Variants in XPO6 observed in about 807,000 individuals in gnomAD.
The protein encoded by XPO6 is exportin-6.
Under a neutral mutation model 130.0 loss-of-function variants are expected in XPO6, and 3 were observed. The ratio of observed to expected loss-of-function variants is 0.02; its 90% CI spans 0.01 to 0.06. The LOEUF (loss-of-function observed/expected upper bound fraction) is 0.06, where lower values mean the gene tolerates loss of function less well. XPO6 is among the 10% of genes least tolerant of loss of function. XPO6 has a pLI of 1.00. For synonymous variants in XPO6, 524 were observed against 548.9 expected (o/e 0.95, Z 0.63); for missense variants, 970 against 1,393.0 (o/e 0.70, Z 4.83).
chr16:28,127,415 T>C (rs773347354), intron 12 of XPO6, among the ~76,000 whole-genome samples: 3 of 152,116 alleles, frequency 2.0e-5, no homozygotes, highest in Non-Finnish European at 4.4e-5. Context: ...AAATCCCTCG[T>C]GGTGAGCAGC....
intron 9 of XPO6, among the ~76,000 whole-genome samples, chr16:28,145,326 TC>T (rs1417531424): frequency 1.3e-5 from 2 of 152,174 alleles, no homozygotes; most frequent in Non-Finnish European, 2.9e-5. Flanking sequence ...GCCATTATTT[TC>T]CTGGCATGCT....
At chr16:28,186,767 G>A (rs986672360) in intron 1 of XPO6, among the ~76,000 whole-genome samples, 2 of 151,272 alleles carry the variant, frequency 1.3e-5, no homozygotes, top group African/African-American at 4.9e-5. Flanking sequence ...AAACCCCTGG[G>A]CTCAGGCGAT....
Position 28,107,677 on chromosome 16 carries a change from G to T in XPO6, c.2342C>A (p.Thr781Asn). 1 of 1,613,702 alleles carries T rather than the reference G, an allele frequency of 6.2e-7. No homozygotes were observed. ...GAGTGTCTGGTGGATAATCAGTTTGGCTGCAAATCAAGATGAGTTGCAGGT... is the reference window on the plus strand; with the variant it reads ...GAGTGTCTGGTGGATAATCAGTTTGTCTGCAAATCAAGATGAGTTGCAGGT... The part of the protein sequence containing the change: ...APQRKMPLDD[T>N]KLIIHQTLSV... Residue 781 changes from threonine (T) to asparagine (N), a missense_variant and splice_region_variant, in exon 18 of 24, where the codon ACC (threonine) becomes AAC (asparagine). Around this residue, in one of 4 missense-constraint regions of XPO6, gnomAD observed 936 missense variants for 1,306.8 expected, o/e 0.72. Transcript: ENST00000304658.
chr16:28,189,654 G>A (rs2043754541), intron 1 of XPO6, among the ~76,000 whole-genome samples: 1 of 152,176 alleles, frequency 6.6e-6, no homozygotes, highest in South Asian at 2.1e-4. Flanking sequence ...TGCTAAGGCT[G>A]GGCAGGCGCG....
At position 28,180,972 on chromosome 16, in the gene XPO6, A is replaced by G. The variant is rs2043605757; in HGVS notation, c.63T>C (p.Asp21=). The G allele has an allele frequency of 1.9e-6, 3 of 1,613,768 alleles. No homozygotes were observed. The highest frequency in any genetic ancestry group is 2.5e-6 in the Non-Finnish European group (3 of 1,179,912). ...LESLMTEFFH[D]CTTNERKREI... is the part of the protein sequence containing the mutation. Reference sequence around the variant, plus strand: ...CACGTTTTCTTTCATTGGTTGTACAATCGTGAAAAAATTCTGTCATCAGAC... The same window carrying G: ...CACGTTTTCTTTCATTGGTTGTACAGTCGTGAAAAAATTCTGTCATCAGAC... Residue 21 remains aspartate, a synonymous_variant, in exon 2 of 24, where the codon GAT becomes GAC. Transcript: ENST00000304658.
intron 23 of XPO6, among the ~76,000 whole-genome samples, chr16:28,100,260 G>C (rs967267986): frequency 6.6e-6 from 1 of 152,216 alleles, no homozygotes; most frequent in African/African-American, 2.4e-5. Flanking sequence ...AAAGTGCTGA[G>C]ATTACAGGTG....
chr16:28,103,731 C>T (rs1433530304), intron 21 of XPO6, among the ~76,000 whole-genome samples: 1 of 151,908 alleles, frequency 6.6e-6, no homozygotes, highest in Non-Finnish European at 1.5e-5. Flanking sequence ...GATGGGAAGG[C>T]CAGGGCAAGG....
Position 28,153,396 on chromosome 16 carries a change from G to A in XPO6, c.1098-611C>T, listed in dbSNP as rs535868452. 1.1e-5 allele frequency: 11 copies of A among 984,778 alleles called. No homozygotes were observed. The South Asian group carries it at 1.9e-4, about 17-fold the overall frequency. The allele number at this position is 984,778 out of a possible 1,614,324, so 61.0% of individuals were successfully genotyped here. A position where few individuals can be genotyped will look rare whatever the true frequency, so the allele number is the denominator to read the frequency against. The stretch of plus-strand genomic sequence containing the variant: ...TCAGGGACTTTAGTCTGATGCTTCC[G>A]TTTTGCAGATGAAGCCCAGAGAGGT... On this transcript the variant is annotated intron_variant, in intron 7 of 23. Transcript: ENST00000304658.
chr16:28,125,089 G>A (rs1370797991), intron 13 of XPO6, among the ~76,000 whole-genome samples: 1 of 152,196 alleles, frequency 6.6e-6, no homozygotes, highest in African/African-American at 2.4e-5. Flanking sequence ...CTGTAAACCT[G>A]GTGTGAGACC....
At chr16:28,119,424 A>G (rs990296846) in intron 14 of XPO6, among the ~76,000 whole-genome samples, 1 of 152,220 alleles carries the variant, frequency 6.6e-6, no homozygotes, top group African/African-American at 2.4e-5. Flanking sequence ...TTGCCTATGT[A>G]GTAACCTTGC....
At chr16:28,117,538 G>A in intron 14 of XPO6, 76 bp from the exon 15 acceptor site, 1 of 1,521,632 alleles carries the variant, frequency 6.6e-7, no homozygotes. Flanking sequence ...TTTCATAGGA[G>A]GTAAGAATTG....
intron 2 of XPO6, among the ~76,000 whole-genome samples, 185 bp from the exon 3 acceptor site, chr16:28,177,517 G>A (rs2043551527): frequency 6.6e-6 from 1 of 152,126 alleles, no homozygotes; most frequent in Non-Finnish European, 1.5e-5. Flanking sequence ...AGGTGACCAT[G>A]GACACTGACA....
chr16:28,160,184 TAAAAAAAAAAA>T (rs56947792), intron 6 of XPO6, among the ~76,000 whole-genome samples: 2 of 76,134 alleles, frequency 2.6e-5, no homozygotes, highest in African/African-American at 5.9e-5. Flanking sequence ...GCCTCCGTCT[TAAAAAAAAAAA>T]AAAAAAAAAA....
At chr16:28,143,112 T>A (rs928375356) in intron 9 of XPO6, among the ~76,000 whole-genome samples, 2 of 152,220 alleles carry the variant, frequency 1.3e-5, no homozygotes, top group Admixed American at 1.3e-4. Context: ...AGGATGATAA[T>A]CACATGATCA....
chr16:28,149,370 G>A (rs1383106812), intron 8 of XPO6, among the ~76,000 whole-genome samples: 1 of 152,196 alleles, frequency 6.6e-6, no homozygotes, highest in Admixed American at 6.5e-5. Context: ...CAGAAAAGGA[G>A]AAACGGTTAA....
At chr16:28,124,238 A>G (rs987004734) in intron 13 of XPO6, among the ~76,000 whole-genome samples, 2 of 152,022 alleles carry the variant, frequency 1.3e-5, no homozygotes, top group African/African-American at 4.8e-5. Context: ...TTGTATTTTT[A>G]GTAGAGATGG....
rs2042701710 is a variant in XPO6 at position 28,132,905 on chromosome 16, C to T, written c.1537-502G>A. On this transcript the variant is annotated intron_variant, in intron 11 of 23. Coordinates refer to ENST00000304658, the MANE Select transcript of XPO6 (RefSeq NM_015171.4). This position sits in a 1 kb window ranked among gnomAD's most constrained non-coding sequence, Gnocchi z 4.0. ...CAAGTAGCGGTCAGAACGTCATAAC[C>T]GGAGCTGCATCTTTCTTTCTCAAGC... 1.3e-5 allele frequency among the ~76,000 whole-genome samples: 2 copies of T among 152,178 alleles called. No homozygotes were observed. The highest frequency in any genetic ancestry group is 1.3e-4 in the Admixed American group (2 of 15,266).
At chr16:28,197,964 T>TAAA (rs370727941) in intron 1 of XPO6, among the ~76,000 whole-genome samples, 4 of 27,622 alleles carry the variant, frequency 1.4e-4, no homozygotes, top group East Asian at 1.2e-3. Context: ...CTAAGTTTAT[T>TAAA]AAAAAAAAAA....
chr16:28,101,694 G>A lies in XPO6; in HGVS notation c.3046-6C>T. 1 of 1,603,890 alleles carries A rather than the reference G, an allele frequency of 6.2e-7. No individual in the cohort carries two copies. Among genetic ancestry groups the A allele is most frequent in the South Asian group, 1.1e-5 (1 of 90,404 alleles). On this transcript the variant is annotated splice_polypyrimidine_tract_variant and splice_region_variant and intron_variant, in intron 22 of 23. Transcript: ENST00000304658. The surrounding 1 kb of genome is among the most constrained non-coding windows in gnomAD (Gnocchi z 5.4). ...ATGGCAGTCCGGAAGATCTTCTGCA[G>A]GCAGAGAGACCAGGTGAGCAGCAGC...
Sources: allele counts gnomAD v4.1 joint callset (sites outside exome capture counted in the v4.1 genomes callset), GRCh38; gene constraint gnomAD v4.1.1; regional missense constraint gnomAD v4.1.1; non-coding constraint Gnocchi (gnomAD v3.1); transcripts MANE v1.5; gene names NCBI Gene and HGNC (gene_info 2026-07-23, HGNC 2026-07-21).